Variants in ARHGAP44 observed in about 807,000 individuals in gnomAD.
ARHGAP44 encodes the protein rho GTPase-activating protein 44.
In ARHGAP44, 43 loss-of-function variants were observed where a neutral mutation model predicts 106.8. That is an observed-to-expected ratio of 0.40 (90% CI 0.32 to 0.52). ARHGAP44 has a LOEUF of 0.52. Ranked by LOEUF, ARHGAP44 falls within the 20% of genes least tolerant of loss-of-function variation. The pLI is 0.48. For synonymous variants in ARHGAP44, 439 were observed against 410.3 expected (o/e 1.07, Z -0.85); for missense variants, 866 against 1,050.5 (o/e 0.82, Z 2.43).
At position 12,931,881 on chromosome 17, in the gene ARHGAP44, T is replaced by C. The variant is rs867876882; in HGVS notation, c.582+2835T>C. ...ACACACACACACACACACACACACATATCATGATTTATTTAGCTATTTTCC... is the reference window on the plus strand; with the variant it reads ...ACACACACACACACACACACACACACATCATGATTTATTTAGCTATTTTCC... On this transcript the variant is annotated intron_variant, in intron 7 of 20. Coordinates refer to ENST00000379672, the MANE Select transcript of ARHGAP44 (RefSeq NM_014859.6). 1.9e-3 allele frequency among the ~76,000 whole-genome samples: 265 copies of C among 137,176 alleles called. 7 individuals are homozygous for C. The South Asian group carries it at 0.045, about 23-fold the overall frequency. The allele number at this position is 137,176 out of a possible 152,430, so 90.0% of individuals were successfully genotyped here.
intron 3 of ARHGAP44, among the ~76,000 whole-genome samples, chr17:12,906,941 A>AAAAAC (rs113016244): frequency 0.14 from 21,268 of 151,420 alleles, 2,321 homozygotes; most frequent in East Asian, 0.36. Flanking sequence ...CCTTGTATCA[A>AAAAAC]AAAACAAAAC....
intron 4 of ARHGAP44, among the ~76,000 whole-genome samples, chr17:12,915,008 C>T (rs2037863404): frequency 6.6e-6 from 1 of 152,136 alleles, no homozygotes; most frequent in Admixed American, 6.6e-5. Flanking sequence ...TACCTCTGCT[C>T]ATACGTTTGT....
chr17:12,851,557 C>G (rs75561345), intron 1 of ARHGAP44, among the ~76,000 whole-genome samples: 1,625 of 152,086 alleles, frequency 0.011, 34 homozygotes, highest in East Asian at 0.07. Flanking sequence ...AACCTCCGTC[C>G]GGTTGTAGCT....
At chr17:12,931,451 G>A (rs1327412613) in intron 7 of ARHGAP44, among the ~76,000 whole-genome samples, 3 of 151,864 alleles carry the variant, frequency 2.0e-5, no homozygotes, top group African/African-American at 7.3e-5. Flanking sequence ...ACCACATCCT[G>A]AACATCTCTC....
intron 3 of ARHGAP44, among the ~76,000 whole-genome samples, chr17:12,905,748 A>C (rs2150935194): frequency 6.6e-6 from 1 of 152,342 alleles, no homozygotes; most frequent in South Asian, 2.1e-4. Flanking sequence ...CAATTTCAGA[A>C]AGATTCAGAA....
chr17:12,880,970 G>A (rs920450670), intron 1 of ARHGAP44, among the ~76,000 whole-genome samples: 1 of 151,934 alleles, frequency 6.6e-6, no homozygotes, highest in African/African-American at 2.4e-5. Flanking sequence ...GTTTTAATTT[G>A]TATATTCCTC....
chr17:12,801,369 T>C (rs2034088367), intron 1 of ARHGAP44, among the ~76,000 whole-genome samples: 1 of 152,230 alleles, frequency 6.6e-6, no homozygotes, highest in South Asian at 2.1e-4. Flanking sequence ...CCAACAACTC[T>C]TAAGAGTAGG....
chr17:12,871,435 G>A (rs1222163581), intron 1 of ARHGAP44, among the ~76,000 whole-genome samples: 6 of 152,198 alleles, frequency 3.9e-5, no homozygotes, highest in Admixed American at 3.3e-4. Flanking sequence ...GGCTCTATAG[G>A]AAGTGTGGCT....
chr17:12,811,596 A>C (rs2034443355), intron 1 of ARHGAP44, among the ~76,000 whole-genome samples: 1 of 152,204 alleles, frequency 6.6e-6, no homozygotes, highest in East Asian at 1.9e-4. Flanking sequence ...TTCAAAGGCC[A>C]ACTGTATATA....
chr17:12,891,023 C>T (rs911175075), intron 1 of ARHGAP44, among the ~76,000 whole-genome samples: 3 of 152,168 alleles, frequency 2.0e-5, no homozygotes, highest in Non-Finnish European at 2.9e-5. Context: ...TCATGTAAGA[C>T]CTCATCAGAG....
chr17:12,954,921 G>A (rs1460884480), intron 13 of ARHGAP44, among the ~76,000 whole-genome samples: 2 of 152,098 alleles, frequency 1.3e-5, no homozygotes, highest in African/African-American at 4.8e-5. Context: ...AGGTTTTAGT[G>A]TGTTCATATA....
chr17:12,791,343 A>T (rs2033750366), intron 1 of ARHGAP44, among the ~76,000 whole-genome samples: 3 of 152,144 alleles, frequency 2.0e-5, no homozygotes, highest in Admixed American at 1.3e-4. Flanking sequence ...GGATGCCGAG[A>T]TAGTGTTTCC....
At chr17:12,986,925 A>C in intron 20 of ARHGAP44, 1 of 604,528 alleles carries the variant, frequency 1.7e-6, no homozygotes. Context: ...TTTTGGCAGC[A>C]GACTGTTGTT....
intron 13 of ARHGAP44, among the ~76,000 whole-genome samples, chr17:12,955,359 G>C (rs1248321598): frequency 6.6e-6 from 1 of 152,070 alleles, no homozygotes; most frequent in Non-Finnish European, 1.5e-5. Context: ...GCTTTCTTTT[G>C]GGTATTATCC....
chr17:12,794,228 A>G (rs1309679238), intron 1 of ARHGAP44, among the ~76,000 whole-genome samples: 1 of 152,144 alleles, frequency 6.6e-6, no homozygotes, highest in African/African-American at 2.4e-5. Flanking sequence ...AAAATTTGGC[A>G]CCCACGAGAC....
At chr17:12,845,386 T>C (rs1329279205) in intron 1 of ARHGAP44, among the ~76,000 whole-genome samples, 2 of 151,612 alleles carry the variant, frequency 1.3e-5, no homozygotes, top group African/African-American at 4.9e-5. Context: ...CAGGTGCCTG[T>C]AATCTCAGCT....
chr17:12,982,730 T>A (rs1369775348), intron 19 of ARHGAP44: 1 of 152,198 alleles, frequency 6.6e-6, no homozygotes, highest in Non-Finnish European at 1.5e-5. Flanking sequence ...ATAGAAGATG[T>A]TTGAATAAGT....
intron 1 of ARHGAP44, among the ~76,000 whole-genome samples, chr17:12,823,842 C>T (rs1447542494): frequency 6.6e-6 from 1 of 152,052 alleles, no homozygotes. Context: ...TATATATTAC[C>T]CTATCTGGCT....
intron 1 of ARHGAP44, among the ~76,000 whole-genome samples, chr17:12,822,779 A>G (rs963063190): frequency 2.6e-5 from 4 of 152,094 alleles, no homozygotes; most frequent in African/African-American, 7.2e-5. Context: ...CCCAATGCAC[A>G]TGTCTGACTC....
Sources: gnomAD v4.1 joint callset for allele counts (sites outside exome capture counted in the v4.1 genomes callset) on GRCh38, gnomAD v4.1.1 for gene constraint, MANE v1.5 for transcripts, NCBI Gene and HGNC (gene_info 2026-07-23, HGNC 2026-07-21) for gene names.